BMPR1B: variants seen among roughly 807,000 people sequenced by gnomAD.
The protein encoded by BMPR1B is bone morphogenetic protein receptor type 1B.
Under a neutral mutation model 59.1 loss-of-function variants are expected in BMPR1B, and 12 were observed. The ratio of observed to expected loss-of-function variants is 0.20; its 90% confidence interval spans 0.13 to 0.33. The LOEUF (loss-of-function observed/expected upper bound fraction) is 0.33, where lower values mean the gene tolerates loss of function less well. BMPR1B is among the 10% of genes least tolerant of loss of function. The pLI is 1.00. For missense variants in BMPR1B, 550 were observed against 610.9 expected (o/e 0.90, Z 1.05); for synonymous variants, 237 against 207.3 (o/e 1.14, Z -1.23).
At chr4:94,994,165 G>A (rs1031698826) in intron 2 of BMPR1B, among the ~76,000 whole-genome samples, 4 of 152,090 alleles carry the variant, frequency 2.6e-5, no homozygotes, top group Non-Finnish European at 5.9e-5. Context: ...GTTAAAACCT[G>A]GTAGGCTATC....
At position 94,936,859 on chromosome 4, in the gene BMPR1B, C is replaced by T. The variant is rs41367045; in HGVS notation, c.-112-59181C>T. Reference sequence around the variant, plus strand: ...GTTCTCTTCTCTGTGTCCCTTAGCGCAGATCCTCACTGTTTCTCAGACTCT... The same window carrying T: ...GTTCTCTTCTCTGTGTCCCTTAGCGTAGATCCTCACTGTTTCTCAGACTCT... On this transcript the variant is annotated intron_variant, in intron 2 of 12. Coordinates refer to ENST00000515059, the MANE Select transcript of BMPR1B (RefSeq NM_001203.3). Among the ~76,000 whole-genome samples, 294 of 152,034 alleles carry T rather than the reference C, an allele frequency of 1.9e-3. 1 individual carries two copies. Among genetic ancestry groups the T allele is most frequent in the African/African-American group, 6.6e-3 (272 of 41,468 alleles).
rs901839788 is a variant in BMPR1B, at chr4:95,091,665, GT to G, written c.-17-12733del. 86 of 920,560 alleles carry G rather than the reference GT, an allele frequency of 9.3e-5. No homozygotes were observed. The Middle Eastern group carries it at 4.5e-3, about 48-fold the overall frequency. 57.0% of individuals were successfully genotyped at this position (920,560 alleles called of 1,614,324 possible). A position where few individuals can be genotyped will look rare whatever the true frequency, so the allele number is the denominator to read the frequency against. On this transcript the variant is annotated intron_variant, in intron 3 of 12. Coordinates refer to ENST00000515059, the MANE Select transcript of BMPR1B (RefSeq NM_001203.3). ...AGAAGCTTTATATCTCACAGAGACT[GT>G]TTTTTTTTTCCCTCCAAAAAATGTA...
At chr4:94,995,765 G>A (rs985524844) in intron 2 of BMPR1B, 2 of 152,198 alleles carry the variant, frequency 1.3e-5, no homozygotes, top group African/African-American at 4.8e-5. Flanking sequence ...CAAGCACAGG[G>A]TTGCTGGGTA....
chr4:94,878,726 A>G (rs9968485), intron 2 of BMPR1B, among the ~76,000 whole-genome samples: 5,317 of 145,752 alleles, frequency 0.036, 310 homozygotes, highest in African/African-American at 0.13. Flanking sequence ...TTCATTTAAC[A>G]GGTTCTGCTT....
chr4:95,102,283 A>G (rs1273064045), intron 3 of BMPR1B, among the ~76,000 whole-genome samples: 2 of 152,134 alleles, frequency 1.3e-5, no homozygotes, highest in African/African-American at 4.8e-5. Context: ...TTTCTTTTCT[A>G]CTTTAGACCA....
rs567885405 is a variant in BMPR1B, at chr4:94,998,333, A to G, written c.-18+2199A>G. Among the ~76,000 whole-genome samples the G allele has an allele frequency of 2.0e-5, 3 of 151,008 alleles. No homozygotes were observed. The South Asian group carries it at 6.3e-4, about 32-fold the overall frequency. ...CTCCTCATGGATCTCACTGCCCTAG[A>G]GTCATATTTGTTCTACTAGTAGTCC... On this transcript the variant is annotated intron_variant, in intron 3 of 12. Coordinates refer to ENST00000515059, the MANE Select transcript of BMPR1B (RefSeq NM_001203.3).
chr4:95,034,786 T>C (rs1189076802), intron 3 of BMPR1B, among the ~76,000 whole-genome samples: 1 of 151,994 alleles, frequency 6.6e-6, no homozygotes, highest in Non-Finnish European at 1.5e-5. Context: ...TCCCTCTGGG[T>C]AGATACACAG....
intron 1 of BMPR1B, among the ~76,000 whole-genome samples, chr4:94,847,940 C>T (rs776565196): frequency 2.6e-5 from 4 of 151,986 alleles, no homozygotes; most frequent in African/African-American, 4.8e-5. Flanking sequence ...TTTTGTAACA[C>T]GAAGAAATGA....
chr4:95,125,868 C>G (rs909557589), intron 8 of BMPR1B, among the ~76,000 whole-genome samples: 1 of 152,144 alleles, frequency 6.6e-6, no homozygotes, highest in African/African-American at 2.4e-5. Flanking sequence ...TCTTTCCCAG[C>G]TTGGTATGTG....
At position 95,049,419 on chromosome 4, in the gene BMPR1B, GTTTTTTTTTTTTTTTTTTTTTTTTTTTT is replaced by G. The variant is rs761496965; in HGVS notation, c.-18+53309_-18+53336del. Among the ~76,000 whole-genome samples, 21 of 77,400 alleles carry G rather than the reference GTTTTTTTTTTTTTTTTTTTTTTTTTTTT, an allele frequency of 2.7e-4. 1 individual carries two copies. The highest frequency in any genetic ancestry group is 9.4e-4 in the Admixed American group (5 of 5,322). 50.8% of individuals were successfully genotyped at this position (77,400 alleles called of 152,430 possible). A position where few individuals can be genotyped will look rare whatever the true frequency, so the allele number is the denominator to read the frequency against. On this transcript the variant is annotated intron_variant, in intron 3 of 12. Transcript: ENST00000515059. ...ACGAGCCAATGTGCCCAGCATAAAA[GTTTTTTTTTTTTTTTTTTTTTTTTTTTT>G]TTTTTTTTTTTTTTTTTTTTTTTGC...
At chr4:94,925,594 A>G (rs1026346725) in intron 2 of BMPR1B, among the ~76,000 whole-genome samples, 4 of 152,176 alleles carry the variant, frequency 2.6e-5, no homozygotes, top group African/African-American at 7.2e-5. Flanking sequence ...TCTTTCACCC[A>G]GTGTTAGCAA....
chr4:95,026,097 CA>C (rs374492976), intron 3 of BMPR1B, among the ~76,000 whole-genome samples: 1 of 23,882 alleles, frequency 4.2e-5, no homozygotes, highest in Non-Finnish European at 1.2e-4. Context: ...TGCTTTCTTT[CA>C]TTTCTTTCTT....
intron 1 of BMPR1B, among the ~76,000 whole-genome samples, chr4:94,817,303 C>A (rs1724047528): frequency 6.6e-6 from 1 of 152,178 alleles, no homozygotes; most frequent in Admixed American, 6.5e-5. Flanking sequence ...TTTGAGAATT[C>A]TTGGCTGGTA....
chr4:95,006,768 T>G (rs1188277671), intron 3 of BMPR1B, among the ~76,000 whole-genome samples: 9 of 152,042 alleles, frequency 5.9e-5, no homozygotes, highest in Non-Finnish European at 1.3e-4. Context: ...CTCATACTCC[T>G]GACTTCGTGA....
intron 3 of BMPR1B, among the ~76,000 whole-genome samples, chr4:95,004,023 A>C (rs1578911153): frequency 6.6e-6 from 1 of 151,712 alleles, no homozygotes; most frequent in Non-Finnish European, 1.5e-5. Context: ...GGCCAGGCTG[A>C]TCTCAAACTC....
At chr4:95,103,957 T>C (rs891719640) in intron 3 of BMPR1B, among the ~76,000 whole-genome samples, 4 of 151,856 alleles carry the variant, frequency 2.6e-5, no homozygotes, top group African/African-American at 4.8e-5. Flanking sequence ...ATATGGTAGA[T>C]AGACAGTTTT....
intron 1 of BMPR1B, among the ~76,000 whole-genome samples, chr4:94,801,681 A>G (rs1164350608): frequency 6.6e-6 from 1 of 152,210 alleles, no homozygotes; most frequent in Non-Finnish European, 1.5e-5. Context: ...GGGTTCTGCA[A>G]CTAATAACAG....
At chr4:94,834,207 G>A (rs2148926745) in intron 1 of BMPR1B, among the ~76,000 whole-genome samples, 1 of 152,290 alleles carries the variant, frequency 6.6e-6, no homozygotes, top group Middle Eastern at 3.4e-3. Flanking sequence ...ATCAGCAGGT[G>A]ATCATCCTGA....
At chr4:94,828,423 T>C (rs987439214) in intron 1 of BMPR1B, among the ~76,000 whole-genome samples, 2 of 152,192 alleles carry the variant, frequency 1.3e-5, no homozygotes, top group South Asian at 2.1e-4. Context: ...AAGAGTCCAA[T>C]GTAGATTTTT....
Sources: allele counts gnomAD v4.1 joint callset (sites outside exome capture counted in the v4.1 genomes callset), GRCh38; gene constraint gnomAD v4.1.1; transcripts MANE v1.5; gene names NCBI Gene and HGNC (gene_info 2026-07-23, HGNC 2026-07-21).